The following NKAIN2 variants were observed in gnomAD, a reference collection of about 807,000 sequenced individuals.
NKAIN2 encodes sodium/potassium-transporting ATPase subunit beta-1-interacting protein 2.
NKAIN2 carries 14 observed loss-of-function variants against 32.6 expected under a neutral mutation model. That is an observed-to-expected ratio of 0.43 (90% confidence interval 0.28 to 0.67). The LOEUF (loss-of-function observed/expected upper bound fraction) is 0.67. NKAIN2 is among the 30% of genes least tolerant of loss of function. NKAIN2 has a pLI of 0.17. For missense variants in NKAIN2, 198 were observed against 258.3 expected, an observed-to-expected ratio of 0.77 and a Z score of 1.60; for synonymous variants, 80 against 87.2, an observed-to-expected ratio of 0.92 and a Z score of 0.46.
At chr6:124,527,976 T>C (rs1439881866) in intron 3 of NKAIN2, among the ~76,000 whole-genome samples, 1 of 152,170 alleles carries the variant, frequency 6.6e-6, no homozygotes, top group African/African-American at 2.4e-5. Flanking sequence ...ATAATGAAGT[T>C]GGAGGACTCA....
At chr6:124,205,121 G>C (rs1323308300) in intron 1 of NKAIN2, among the ~76,000 whole-genome samples, 1 of 135,112 alleles carries the variant, frequency 7.4e-6, no homozygotes, top group African/African-American at 3.2e-5. Context: ...CATTTTGTTA[G>C]TTCATTTGAA....
intron 1 of NKAIN2, among the ~76,000 whole-genome samples, chr6:124,012,889 G>T (rs1780399999): frequency 7.3e-6 from 1 of 137,222 alleles, no homozygotes; most frequent in South Asian, 2.3e-4. Flanking sequence ...TATATGTTTT[G>T]CTTTTTAGGA....
chr6:124,314,096 G>A (rs1796837088), intron 2 of NKAIN2, among the ~76,000 whole-genome samples: 1 of 151,992 alleles, frequency 6.6e-6, no homozygotes, highest in East Asian at 1.9e-4. Flanking sequence ...GAAAATTTAG[G>A]GAGCACGGGT....
rs143078555 is a variant in NKAIN2 at position 124,154,270 on chromosome 6, C to A, written c.55-128735C>A. Among the ~76,000 whole-genome samples the A allele has an allele frequency of 4.8e-3, 724 of 151,902 alleles. 5 individuals carry two copies. Among genetic ancestry groups the A allele is most frequent in the African/African-American group, 0.016 (685 of 41,528 alleles). ...TATGAATACTTAATTTGAATGATAT[C>A]ACTGGATATGTATCAAAGAAATGTT... On this transcript the variant is annotated intron_variant, in intron 1 of 6. Coordinates refer to ENST00000368417, the MANE Select transcript of NKAIN2 (RefSeq NM_001040214.3).
At chr6:124,738,487 C>T (rs1777055913) in intron 4 of NKAIN2, among the ~76,000 whole-genome samples, 2 of 151,758 alleles carry the variant, frequency 1.3e-5, no homozygotes, top group African/African-American at 2.4e-5. Context: ...ATTTTTCTGC[C>T]TACAAGTGGA....
chr6:124,346,340 T>G (rs528681897), intron 2 of NKAIN2, among the ~76,000 whole-genome samples: 1 of 152,188 alleles, frequency 6.6e-6, no homozygotes, highest in East Asian at 1.9e-4. Context: ...TCTGTAGATG[T>G]CTATTAGGTC....
chr6:124,395,623 G>A (rs1372089201), intron 3 of NKAIN2, among the ~76,000 whole-genome samples: 2 of 152,148 alleles, frequency 1.3e-5, no homozygotes, highest in Non-Finnish European at 2.9e-5. Context: ...ATGTGAGTTA[G>A]AGGAATGTAA....
intron 4 of NKAIN2, among the ~76,000 whole-genome samples, chr6:124,762,374 C>T (rs1778311516): frequency 6.6e-6 from 1 of 152,090 alleles, no homozygotes; most frequent in African/African-American, 2.4e-5. Flanking sequence ...CTTAATTACT[C>T]CTTTAAAGGA....
intron 1 of NKAIN2, among the ~76,000 whole-genome samples, chr6:124,080,444 A>G (rs865854717): frequency 2.0e-5 from 3 of 152,082 alleles, no homozygotes; most frequent in Admixed American, 6.6e-5. Context: ...TAAAGATTTG[A>G]ATGTCACAGG....
chr6:124,314,668 C>T (rs1000292535), intron 2 of NKAIN2, among the ~76,000 whole-genome samples: 1 of 152,132 alleles, frequency 6.6e-6, no homozygotes, highest in African/African-American at 2.4e-5. Context: ...GTAGCTGAAT[C>T]CTGTCCCCTG....
At chr6:124,167,570 C>T (rs886095310) in intron 1 of NKAIN2, among the ~76,000 whole-genome samples, 9 of 151,836 alleles carry the variant, frequency 5.9e-5, no homozygotes, top group African/African-American at 1.2e-4. Flanking sequence ...ATAGGAGTGG[C>T]GAGAGAGGGC....
intron 1 of NKAIN2, among the ~76,000 whole-genome samples, chr6:123,927,530 A>G (rs1268029610): frequency 6.6e-6 from 1 of 152,212 alleles, no homozygotes; most frequent in Non-Finnish European, 1.5e-5. Context: ...TTGCTGGAAT[A>G]TGTCCGATGC....
At chr6:124,517,938 T>A (rs1032241276) in intron 3 of NKAIN2, among the ~76,000 whole-genome samples, 2 of 152,162 alleles carry the variant, frequency 1.3e-5, no homozygotes, top group Non-Finnish European at 2.9e-5. Flanking sequence ...TAAACCTTCA[T>A]GTTACATTGA....
chr6:124,815,829 T>C (rs1781138338), intron 5 of NKAIN2, among the ~76,000 whole-genome samples: 1 of 152,200 alleles, frequency 6.6e-6, no homozygotes, highest in South Asian at 2.1e-4. Flanking sequence ...TTTGAATTTT[T>C]TGAGGGGCTC....
At chr6:124,443,028 CAGA>C (rs1775753148) in intron 3 of NKAIN2, among the ~76,000 whole-genome samples, 1 of 152,048 alleles carries the variant, frequency 6.6e-6, no homozygotes, top group Non-Finnish European at 1.5e-5. Context: ...TTGCTATGCT[CAGA>C]AGATTGTGTA....
intron 1 of NKAIN2, among the ~76,000 whole-genome samples, chr6:123,999,451 C>A (rs991176678): frequency 1.3e-5 from 2 of 151,982 alleles, no homozygotes; most frequent in African/African-American, 2.4e-5. Flanking sequence ...TTATTGCCAC[C>A]GTAACTGAAA....
intron 4 of NKAIN2, among the ~76,000 whole-genome samples, chr6:124,769,211 C>T (rs1362682221): frequency 2.0e-5 from 3 of 152,122 alleles, no homozygotes; most frequent in Non-Finnish European, 4.4e-5. Flanking sequence ...CTATAGTTGT[C>T]TGGGAAAGGT....
At chr6:124,561,576 G>A (rs373492818) in intron 3 of NKAIN2, among the ~76,000 whole-genome samples, 38 of 152,260 alleles carry the variant, frequency 2.5e-4, no homozygotes, top group African/African-American at 8.4e-4. Context: ...GAGGAAGATC[G>A]CAGTGCTTAA....
chr6:124,652,478 G>A (rs956035626), intron 3 of NKAIN2, among the ~76,000 whole-genome samples: 13 of 152,016 alleles, frequency 8.6e-5, no homozygotes, highest in African/African-American at 2.9e-4. Context: ...GCTCTCAATC[G>A]TTTCCACATT....
Sources: allele counts gnomAD v4.1 joint callset (sites outside exome capture counted in the v4.1 genomes callset), GRCh38; gene constraint gnomAD v4.1.1; transcripts MANE v1.5; gene names NCBI Gene and HGNC (gene_info 2026-07-23, HGNC 2026-07-21).